TRPM3: variants seen among roughly 807,000 people sequenced by gnomAD.
TRPM3 encodes long transient receptor potential channel 3.
Under a neutral mutation model 181.2 loss-of-function variants are expected in TRPM3, and 77 were observed. The observed-to-expected ratio is 0.42, with a 90% CI of 0.35 to 0.51. The LOEUF is 0.51. TRPM3 is among the 20% of genes least tolerant of loss of function. The pLI, the probability that TRPM3 is intolerant of heterozygous loss-of-function variation, is 0.01. For synonymous variants in TRPM3, 745 were observed against 796.4 expected, an observed-to-expected ratio of 0.94 and a Z score of 1.09; for missense variants, 1,759 against 2,196.7, an observed-to-expected ratio of 0.80 and a Z score of 3.98.
intron 1 of TRPM3, among the ~76,000 whole-genome samples, chr9:70,915,448 C>T (rs1451191794): frequency 7.9e-5 from 12 of 151,740 alleles, no homozygotes; most frequent in African/African-American, 2.2e-4. Context: ...CAGGCGCCCA[C>T]CACCATGCCC....
At chr9:70,686,699 T>TGGATAC (rs375403711) in intron 8 of TRPM3, among the ~76,000 whole-genome samples, 1 of 78,690 alleles carries the variant, frequency 1.3e-5, no homozygotes. Context: ...CCTTCCTTCC[T>TGGATAC]TCCTTCCTTC....
chr9:71,121,588 C>T lies in TRPM3; in HGVS notation c.-234G>A. 2 of 1,300,778 alleles carry T rather than the reference C, an allele frequency of 1.5e-6. No homozygotes were observed. Among genetic ancestry groups the T allele is most frequent in the Non-Finnish European group, 2.0e-6 (2 of 1,025,408 alleles). The allele number at this position is 1,300,778 out of a possible 1,614,324, so 80.6% of individuals were successfully genotyped here. ...AGAGGGACAGCCTGCACAAAACAGC[C>T]TGTGGTCGGAGTCAAAGCAGCCTGC... is the stretch of plus-strand genomic sequence containing the variant. On this transcript the variant is annotated 5_prime_UTR_variant, in exon 1 of 26. Transcript: ENST00000677713.
chr9:71,374,903 T>G (rs2092626055), intron 1 of TRPM3, among the ~76,000 whole-genome samples: 1 of 152,056 alleles, frequency 6.6e-6, no homozygotes, highest in South Asian at 2.1e-4. Context: ...GTGAAGGACC[T>G]CTTCAAGAAC....
chr9:70,781,832 G>A (rs972690563), intron 7 of TRPM3, among the ~76,000 whole-genome samples: 10 of 151,992 alleles, frequency 6.6e-5, no homozygotes, highest in Admixed American at 5.9e-4. Context: ...GTATTTTAAC[G>A]TATTTATATT....
intron 1 of TRPM3, among the ~76,000 whole-genome samples, chr9:71,031,967 AT>A (rs1287220597): frequency 3.9e-4 from 24 of 62,146 alleles, no homozygotes; most frequent in Admixed American, 2.2e-3. Flanking sequence ...AATTATATAT[AT>A]ATATTATATA....
intron 19 of TRPM3, among the ~76,000 whole-genome samples, chr9:70,608,540 A>G (rs76453017): frequency 0.21 from 32,203 of 152,086 alleles, 3,962 homozygotes; most frequent in South Asian, 0.38. Flanking sequence ...AATAGCTGCA[A>G]AAATATTATC....
intron 1 of TRPM3, among the ~76,000 whole-genome samples, chr9:71,129,247 A>G (rs1565255206): frequency 6.6e-6 from 1 of 152,206 alleles, no homozygotes; most frequent in Non-Finnish European, 1.5e-5. Flanking sequence ...TTACTTTATG[A>G]GAGACAATGG....
intron 1 of TRPM3, among the ~76,000 whole-genome samples, chr9:70,978,849 C>T (rs546096402): frequency 6.6e-6 from 1 of 152,166 alleles, no homozygotes; most frequent in African/African-American, 2.4e-5. Flanking sequence ...TTAGACACCA[C>T]CTGTATTACA....
At position 70,794,273 on chromosome 9, in the gene TRPM3, CTG is replaced by C. The variant is rs564994705; in HGVS notation, c.974-9996_974-9995del. Reference sequence around the variant, plus strand: ...CTCACGTAAAGAGAAAAGGAGTCACCTGTGTGGTTTATCAAGAAACTTCACCC... The same window carrying C: ...CTCACGTAAAGAGAAAAGGAGTCACCTGTGGTTTATCAAGAAACTTCACCC... On this transcript the variant is annotated intron_variant, in intron 6 of 25. Coordinates refer to ENST00000677713, the MANE Select transcript of TRPM3 (RefSeq NM_001366145.2). 4.9e-3 allele frequency among the ~76,000 whole-genome samples: 743 copies of C among 152,234 alleles called. 3 individuals carry two copies. Among genetic ancestry groups the C allele is most frequent in the Non-Finnish European group, 8.3e-3 (564 of 68,010 alleles).
chr9:70,986,086 A>T (rs1175718922), intron 1 of TRPM3, among the ~76,000 whole-genome samples: 1 of 152,220 alleles, frequency 6.6e-6, no homozygotes, highest in Non-Finnish European at 1.5e-5. Context: ...GTGGCCAGGC[A>T]CTGTGGCTCA....
chr9:70,758,583 C>T (rs185184699), intron 8 of TRPM3, among the ~76,000 whole-genome samples: 3 of 152,306 alleles, frequency 2.0e-5, no homozygotes, highest in Admixed American at 2.0e-4. Flanking sequence ...TCAAACTATA[C>T]TGGGAGGCTA....
chr9:71,350,361 C>T (rs1588620256), intron 1 of TRPM3, among the ~76,000 whole-genome samples: 1 of 152,280 alleles, frequency 6.6e-6, no homozygotes, highest in East Asian at 1.9e-4. Context: ...TCTTTCAATA[C>T]TCCGGTTAGT....
intron 6 of TRPM3, among the ~76,000 whole-genome samples, chr9:70,809,529 G>C (rs1429235587): frequency 6.6e-6 from 1 of 152,114 alleles, no homozygotes; most frequent in Non-Finnish European, 1.5e-5. Context: ...GTTGCCTACA[G>C]TATTCACTAC....
chr9:70,618,801 G>T, intron 17 of TRPM3, 66 bp downstream of exon 17: 1 of 1,395,482 alleles, frequency 7.2e-7, no homozygotes, highest in Non-Finnish European at 1.0e-6. Context: ...GGCAGATTTT[G>T]GCTGGGAAAA....
chr9:71,214,691 T>C (rs950263773), intron 1 of TRPM3, among the ~76,000 whole-genome samples: 2 of 152,176 alleles, frequency 1.3e-5, no homozygotes, highest in African/African-American at 2.4e-5. Flanking sequence ...ACCTCCTTTA[T>C]AGGCATTATT....
chr9:70,795,616 C>A (rs567588585), intron 6 of TRPM3, among the ~76,000 whole-genome samples: 1 of 152,334 alleles, frequency 6.6e-6, no homozygotes, highest in South Asian at 2.1e-4. Flanking sequence ...TTGCATCACG[C>A]CCCGAACGTC....
rs777552831 is a variant in TRPM3, at chr9:70,789,994, TTTC to T, written c.974-5718_974-5716del. ...GAATGTCTTAAAATTCTAAGCAGTC[TTTC>T]TTCTTCTTCTCTTTATTAACAGCAA... On this transcript the variant is annotated intron_variant, in intron 6 of 25. Transcript: ENST00000677713. Among the ~76,000 whole-genome samples, 83 of 152,328 alleles carry T rather than the reference TTTC, an allele frequency of 5.4e-4. 1 individual carries two copies. Among genetic ancestry groups the T allele is most frequent in the Non-Finnish European group, 1.1e-3 (74 of 68,032 alleles).
chr9:70,651,040 C>T (rs144101748), intron 9 of TRPM3, among the ~76,000 whole-genome samples: 14 of 152,086 alleles, frequency 9.2e-5, no homozygotes, highest in African/African-American at 2.4e-4. Context: ...AATAGTAACA[C>T]GACAATAAAA....
chr9:71,446,921 G>T (rs1378450474), upstream of TRPM3: 2 of 1,318,376 alleles, frequency 1.5e-6, no homozygotes, highest in Non-Finnish European at 1.0e-6. Flanking sequence ...TCCAGCCTGC[G>T]CGCGGCTCTC....
Sources: gnomAD v4.1 joint callset for allele counts (sites outside exome capture counted in the v4.1 genomes callset) on GRCh38, gnomAD v4.1.1 for gene constraint, MANE v1.5 for transcripts, NCBI Gene and HGNC (gene_info 2026-07-23, HGNC 2026-07-21) for gene names.